The following YBX2 variants were observed in gnomAD, a reference collection of about 807,000 sequenced individuals.
YBX2 encodes the protein Y-box-binding protein 2.
Under a neutral mutation model 44.4 loss-of-function variants are expected in YBX2, and 5 were observed. The ratio of observed to expected loss-of-function variants is 0.11; its 90% CI spans 0.06 to 0.24. The LOEUF is 0.24. Among genes scored for constraint, YBX2 ranks in the 10% least tolerant of loss-of-function variants. YBX2 has a pLI of 1.00. For missense variants in YBX2, 417 were observed against 526.9 expected (o/e 0.79, Z 2.04); for synonymous variants, 188 against 216.1 (o/e 0.87, Z 1.14).
intron 1 of YBX2, 71 bp from the exon 2 acceptor site, chr17:7,293,609 A>G (rs2072517411): frequency 1.9e-6 from 3 of 1,608,506 alleles, no homozygotes; most frequent in African/African-American, 2.7e-5. Context: ...GTTTTGAGAC[A>G]CTCCAAAACA....
intron 2 of YBX2, chr17:7,293,176 C>A: frequency 2.1e-6 from 1 of 486,582 alleles, no homozygotes; most frequent in East Asian, 4.0e-5. Context: ...GCCCCAAAGG[C>A]ATGTCAGAGT....
rs2072501786 is a variant in YBX2, at chr17:7,291,550, T to G, written c.370-368A>C. On this transcript the variant is annotated intron_variant, in intron 3 of 8. Coordinates refer to ENST00000007699, the MANE Select transcript of YBX2 (RefSeq NM_015982.4). This position sits in a 1 kb window ranked among gnomAD's most constrained non-coding sequence, Gnocchi z 5.8. ...TTCTTACCTCAGTCCCAGTGAGAGC[T>G]CTTTCCACCAAGCAGTGGTTCTCAA... The G allele has an allele frequency of 2.5e-6, 1 of 395,492 alleles. No individual in the cohort carries two copies. 24.5% of individuals were successfully genotyped at this position (395,492 alleles called of 1,614,324 possible). A position where few individuals can be genotyped will look rare whatever the true frequency, so the allele number is the denominator to read the frequency against.
At chr17:7,289,405 G>A (rs1360434405) in intron 7 of YBX2, 125 bp downstream of exon 7, 9 of 1,424,688 alleles carry the variant, frequency 6.3e-6, no homozygotes, top group East Asian at 2.5e-5. Flanking sequence ...GCATGGAAGA[G>A]GGTGGTGGCA....
In YBX2 at chr17:7,291,826, G is replaced by T; in HGVS notation, c.369+200C>A. ...GTGGGTAGTAAGCGTGCCATGCCCA[G>T]GGGTAACATGCTCAATTCTGACGGA... On this transcript the variant is annotated intron_variant, in intron 3 of 8. Coordinates refer to ENST00000007699, the MANE Select transcript of YBX2 (RefSeq NM_015982.4). The surrounding 1 kb of genome is among the most constrained non-coding windows in gnomAD (Gnocchi z 5.8). 1.5e-6 allele frequency: 1 copy of T among 659,094 alleles called. No homozygotes were observed. The highest frequency in any genetic ancestry group is 1.8e-5 in the South Asian group (1 of 55,358). 40.8% of individuals were successfully genotyped at this position (659,094 alleles called of 1,614,324 possible).
In YBX2 at chr17:7,293,400, G is replaced by T. The variant is rs1345048102; in HGVS notation, c.335+75C>A. On this transcript the variant is annotated intron_variant, in intron 2 of 8. Transcript: ENST00000007699. Reference sequence around the variant, plus strand: ...ATGTGCCTCCGCAGGGGTCGATGAGGTTGGGCGGGTGTCCAGTCCCACAGG... The same window carrying T: ...ATGTGCCTCCGCAGGGGTCGATGAGTTTGGGCGGGTGTCCAGTCCCACAGG... 9 of 1,607,294 alleles carry T rather than the reference G, an allele frequency of 5.6e-6. No individual in the cohort carries two copies. In the African/African-American group the frequency reaches 6.7e-5, roughly 12 times the overall value.
At position 7,294,444 on chromosome 17, in the gene YBX2, G is replaced by T; in HGVS notation, c.57C>A (p.Pro19=). Reference sequence around the variant, plus strand: ...CCGCTACCACCCCTGCCGCCGTCGCGGGCACCGTCGCCGCGGGGACCGCTG... The same window carrying T: ...CCGCTACCACCCCTGCCGCCGTCGCTGGCACCGTCGCCGCGGGGACCGCTG... ...GATAVPAATV[P]ATAAGVVAVV... is the part of the protein sequence containing the mutation. Residue 19 remains proline (P), a synonymous_variant, in exon 1 of 9, where the codon CCC becomes CCA. Coordinates refer to ENST00000007699, the MANE Select transcript of YBX2 (RefSeq NM_015982.4). The surrounding 1 kb of genome is among the most constrained non-coding windows in gnomAD (Gnocchi z 4.6). The T allele has an allele frequency of 6.8e-7, 1 of 1,474,280 alleles. No individual in the cohort carries two copies. The highest frequency in any genetic ancestry group is 1.3e-5 in the South Asian group (1 of 79,608). 91.3% of individuals were successfully genotyped at this position (1,474,280 alleles called of 1,614,324 possible). A position where few individuals can be genotyped will look rare whatever the true frequency, so the allele number is the denominator to read the frequency against.
rs541565176 is a variant in YBX2 at position 7,290,297 on chromosome 17, C to A, written c.698G>T (p.Arg233Leu). 6.2e-7 allele frequency: 1 copy of A among 1,613,528 alleles called. No individual in the cohort carries two copies. Among genetic ancestry groups the A allele is most frequent in the East Asian group, 2.2e-5 (1 of 44,856 alleles). Residue 233 changes from arginine (R) to leucine (L), a missense_variant, in exon 5 of 9, where the codon CGG (arginine) becomes CTG (leucine). This residue lies in a region of YBX2 where 257 missense variants were observed against 261.7 expected (regional missense o/e 0.98). Transcript: ENST00000007699. ...GGGAGGCCGGGGGCCTCGCACAAACCGCCGTCGGTAGAAGAAGGGTGGGGG... is the reference window on the plus strand; with the variant it reads ...GGGAGGCCGGGGGCCTCGCACAAACAGCCGTCGGTAGAAGAAGGGTGGGGG... ...WCPPPFFYRRRFVRGPRPPNQ... is the reference protein window; with the variant it reads ...WCPPPFFYRRLFVRGPRPPNQ...
intron 8 of YBX2, 41 bp from the exon 9 acceptor site, chr17:7,288,684 G>T: frequency 2.2e-6 from 3 of 1,357,214 alleles, no homozygotes; most frequent in South Asian, 2.4e-5. Context: ...GAACAACAGC[G>T]ACTTGTCATC....
rs1220221588 is a variant in YBX2, at chr17:7,291,602, G to A, written c.370-420C>T. ...CTGTAGCGTGCATCAGAATCACCTG[G>A]AGAGCTCGTTAAACCGATTGTGGAG... is the stretch of plus-strand genomic sequence containing the variant. On this transcript the variant is annotated intron_variant, in intron 3 of 8. Coordinates refer to ENST00000007699, the MANE Select transcript of YBX2 (RefSeq NM_015982.4). This position sits in a 1 kb window ranked among gnomAD's most constrained non-coding sequence, Gnocchi z 5.8. The A allele has an allele frequency of 2.6e-6, 1 of 382,804 alleles. No individual in the cohort carries two copies. The highest frequency in any genetic ancestry group is 5.0e-6 in the Non-Finnish European group (1 of 201,078). 23.7% of individuals were successfully genotyped at this position (382,804 alleles called of 1,614,324 possible).
rs751039287 is a variant in YBX2 at position 7,291,508 on chromosome 17, G to C, written c.370-326C>G. The stretch of plus-strand genomic sequence containing the variant: ...AGGGACAGCCTTCAGTCGCAAAGTG[G>C]GTAGAATGCACTGTGCTTCTTACCT... On this transcript the variant is annotated intron_variant, in intron 3 of 8. Coordinates refer to ENST00000007699, the MANE Select transcript of YBX2 (RefSeq NM_015982.4). This position sits in a 1 kb window ranked among gnomAD's most constrained non-coding sequence, Gnocchi z 5.8. 17 of 428,188 alleles carry C rather than the reference G, an allele frequency of 4.0e-5. No homozygotes were observed. The highest frequency in any genetic ancestry group is 7.1e-4 in the Middle Eastern group (1 of 1,400). 26.5% of individuals were successfully genotyped at this position (428,188 alleles called of 1,614,324 possible). A position where few individuals can be genotyped will look rare whatever the true frequency, so the allele number is the denominator to read the frequency against.
In YBX2 at chr17:7,293,554, G is replaced by A; in HGVS notation, c.272-16C>T. 6.2e-7 allele frequency: 1 copy of A among 1,614,144 alleles called. No homozygotes were observed. The highest frequency in any genetic ancestry group is 8.5e-7 in the Non-Finnish European group (1 of 1,180,014). On this transcript the variant is annotated splice_polypyrimidine_tract_variant and intron_variant, in intron 1 of 8. Transcript: ENST00000007699. Reference sequence around the variant, plus strand: ...ACTTGGATTGCTGCCAGGCAGAGATGCAGTGGGGACAGTGAGATGGGGGGA... The same window carrying A: ...ACTTGGATTGCTGCCAGGCAGAGATACAGTGGGGACAGTGAGATGGGGGGA...
In YBX2 at chr17:7,294,477, C is replaced by T. The variant is rs1470572501; in HGVS notation, c.24G>A (p.Ala8=). 6.1e-6 allele frequency: 9 copies of T among 1,472,380 alleles called. No homozygotes were observed. Among genetic ancestry groups the T allele is most frequent in the Non-Finnish European group, 8.1e-6 (9 of 1,114,420 alleles). 91.2% of individuals were successfully genotyped at this position (1,472,380 alleles called of 1,614,324 possible). A position where few individuals can be genotyped will look rare whatever the true frequency, so the allele number is the denominator to read the frequency against. ...TCGCCGCGGGGACCGCTGTAGCCCC[C>T]GCTGCCGCCTCCACCTCGCTCATCC... The part of the protein sequence containing the change: MSEVEAA[A]GATAVPAATV... Residue 8 remains alanine (A), a synonymous_variant, in exon 1 of 9, where the codon GCG becomes GCA. Coordinates refer to ENST00000007699, the MANE Select transcript of YBX2 (RefSeq NM_015982.4). The surrounding 1 kb of genome is among the most constrained non-coding windows in gnomAD (Gnocchi z 4.6).
chr17:7,291,461 T>C lies in YBX2; in HGVS notation c.370-279A>G. ...GGATTTCAGAAAGGGAGGCAAGAAA[T>C]ATGAACTCCAAAGCAAAAGGCAGGG... On this transcript the variant is annotated intron_variant, in intron 3 of 8. Transcript: ENST00000007699. The surrounding 1 kb of genome is among the most constrained non-coding windows in gnomAD (Gnocchi z 5.8). 2.0e-6 allele frequency: 1 copy of C among 494,540 alleles called. No individual in the cohort carries two copies. Among genetic ancestry groups the C allele is most frequent in the South Asian group, 2.0e-5 (1 of 48,804 alleles). 30.6% of individuals were successfully genotyped at this position (494,540 alleles called of 1,614,324 possible). A position where few individuals can be genotyped will look rare whatever the true frequency, so the allele number is the denominator to read the frequency against.
At chr17:7,290,812 C>A (rs774522576) in intron 4 of YBX2, among the ~76,000 whole-genome samples, 1 of 152,172 alleles carries the variant, frequency 6.6e-6, no homozygotes, top group Non-Finnish European at 1.5e-5. Flanking sequence ...ACTCCAGAGG[C>A]GGACTCGGGA....
In YBX2 at chr17:7,294,262, G is replaced by T. The variant is rs189257850; in HGVS notation, c.239C>A (p.Pro80Gln). The change falls in exon 1 of 9, where the codon CCG (proline) becomes CAG (glutamine). Residue 80 changes from proline (P) to glutamine (Q), a missense_variant. Transcript: ENST00000007699. The surrounding 1 kb of genome is among the most constrained non-coding windows in gnomAD (Gnocchi z 4.6). Reference sequence around the variant, plus strand: ...CGGCTTGTCCGCCTGACTCCGGGCCGGGGGGGCGGGGGTTCCCGAGACCGC... The same window carrying T: ...CGGCTTGTCCGCCTGACTCCGGGCCTGGGGGGCGGGGGTTCCCGAGACCGC... ...ATAVSGTPAP[P>Q]ARSQADKPVL... 7.1e-3 allele frequency: 8,998 copies of T among 1,269,536 alleles called. 307 individuals are homozygous for T. The Admixed American group carries it at 0.1, about 15-fold the overall frequency. 78.6% of individuals were successfully genotyped at this position (1,269,536 alleles called of 1,614,324 possible). A position where few individuals can be genotyped will look rare whatever the true frequency, so the allele number is the denominator to read the frequency against.
At position 7,291,814 on chromosome 17, in the gene YBX2, G is replaced by T. The variant is rs1018168301; in HGVS notation, c.369+212C>A. 9.7e-6 allele frequency: 6 copies of T among 619,212 alleles called. No homozygotes were observed. Among genetic ancestry groups the T allele is most frequent in the Non-Finnish European group, 1.7e-5 (6 of 347,252 alleles). 38.4% of individuals were successfully genotyped at this position (619,212 alleles called of 1,614,324 possible). On this transcript the variant is annotated intron_variant, in intron 3 of 8. Transcript: ENST00000007699. The surrounding 1 kb of genome is among the most constrained non-coding windows in gnomAD (Gnocchi z 5.8). ...TAACAGGTCCCGGTGGGTAGTAAGCGTGCCATGCCCAGGGGTAACATGCTC... is the reference window on the plus strand; with the variant it reads ...TAACAGGTCCCGGTGGGTAGTAAGCTTGCCATGCCCAGGGGTAACATGCTC...
At chr17:7,289,378 G>C (rs2072480322) in intron 7 of YBX2, 152 bp downstream of exon 7, 1 of 1,205,630 alleles carries the variant, frequency 8.3e-7, no homozygotes, top group African/African-American at 1.5e-5. Context: ...ACCTGCCAGG[G>C]GGGGACCCAG....
chr17:7,293,377 G>T, intron 2 of YBX2, 98 bp downstream of exon 2: 1 of 1,582,784 alleles, frequency 6.3e-7, no homozygotes, highest in East Asian at 2.3e-5. Context: ...TTGCAACCAT[G>T]TGCCTCCGCA....
rs976413989 is a variant in YBX2, at chr17:7,291,854, T to C, written c.369+172A>G. ...GTAACATGCTCAATTCTGACGGACGTTTAGTAACCCAGCACAAGTGCGGCT... is the reference window on the plus strand; with the variant it reads ...GTAACATGCTCAATTCTGACGGACGCTTAGTAACCCAGCACAAGTGCGGCT... On this transcript the variant is annotated intron_variant, in intron 3 of 8. Coordinates refer to ENST00000007699, the MANE Select transcript of YBX2 (RefSeq NM_015982.4). This position sits in a 1 kb window ranked among gnomAD's most constrained non-coding sequence, Gnocchi z 5.8. 5.1e-6 allele frequency: 4 copies of C among 788,536 alleles called. No individual in the cohort carries two copies. The highest frequency in any genetic ancestry group is 4.4e-5 in the Admixed American group (2 of 45,652). 48.8% of individuals were successfully genotyped at this position (788,536 alleles called of 1,614,324 possible). A position where few individuals can be genotyped will look rare whatever the true frequency, so the allele number is the denominator to read the frequency against.
Sources: gnomAD v4.1 joint callset for allele counts (sites outside exome capture counted in the v4.1 genomes callset) on GRCh38, gnomAD v4.1.1 for gene constraint, gnomAD v4.1.1 regional missense constraint, Gnocchi (gnomAD v3.1) non-coding constraint, MANE v1.5 for transcripts, NCBI Gene and HGNC (gene_info 2026-07-23, HGNC 2026-07-21) for gene names.